Variants in SLC39A10 observed in about 807,000 individuals in gnomAD.
SLC39A10 encodes the protein zinc transporter ZIP10.
In SLC39A10, 13 loss-of-function variants were observed where a neutral mutation model predicts 65.1. That is an observed-to-expected ratio of 0.20 (90% confidence interval 0.13 to 0.32). The LOEUF (loss-of-function observed/expected upper bound fraction) is 0.32. SLC39A10 is among the 10% of genes least tolerant of loss of function. The probability of loss-of-function intolerance (pLI) is 1.00; values close to 1 mark genes in which losing one functional copy is unlikely to be tolerated. For missense variants in SLC39A10, 831 were observed against 1,018.4 expected, an observed-to-expected ratio of 0.82 and a Z score of 2.50; for synonymous variants, 321 against 342.2, an observed-to-expected ratio of 0.94 and a Z score of 0.68.
chr2:195,733,712 T>A (rs952882784), intron 9 of SLC39A10, among the ~76,000 whole-genome samples: 2 of 151,868 alleles, frequency 1.3e-5, no homozygotes, highest in African/African-American at 4.8e-5. Flanking sequence ...GTATTTTTAA[T>A]AGAGACGGAG....
chr2:195,696,656 G>A (rs866817301), intron 3 of SLC39A10, among the ~76,000 whole-genome samples: 2 of 152,012 alleles, frequency 1.3e-5, no homozygotes, highest in Admixed American at 6.6e-5. Flanking sequence ...ATAACTTTTC[G>A]CTCTCCCAAA....
chr2:195,680,556 C>T lies in SLC39A10; in HGVS notation c.514C>T (p.His172Tyr), dbSNP rs1452094205. ...TGTAAAATCTGATGATAAACATATG[C>T]ATGACCATAATCACCGCCTACGTCA... ...VSVKSDDKHM[H>Y]DHNHRLRHHH... The change falls in exon 2 of 10, where the codon CAT becomes TAT. Residue 172 changes from histidine to tyrosine, a missense_variant. Transcript: ENST00000359634. 2.5e-6 allele frequency: 4 copies of T among 1,613,980 alleles called. No homozygotes were observed. The African/African-American group carries it at 4.0e-5, about 16-fold the overall frequency.
chr2:195,691,684 A>G (rs1259364574), intron 3 of SLC39A10, among the ~76,000 whole-genome samples: 2 of 152,116 alleles, frequency 1.3e-5, no homozygotes, highest in African/African-American at 4.8e-5. Flanking sequence ...TTGTCTATTC[A>G]TGCCCTGAGC....
chr2:195,678,083 G>T (rs959401891), intron 1 of SLC39A10, among the ~76,000 whole-genome samples: 1 of 152,082 alleles, frequency 6.6e-6, no homozygotes, highest in African/African-American at 2.4e-5. Context: ...TAATGATTAC[G>T]TGAATATTCA....
rs557086499 is a variant in SLC39A10 at position 195,735,383 on chromosome 2, CA to C, written c.*350del. ...GGCTATGCAGAAATAGAGATCGAAC[CA>C]AAAAAAATCATTTAAACTTTAAAAA... On this transcript the variant is annotated 3_prime_UTR_variant, in exon 10 of 10. Coordinates refer to ENST00000359634, the MANE Select transcript of SLC39A10 (RefSeq NM_020342.3). The C allele has an allele frequency of 1.5e-3, 246 of 166,242 alleles. No homozygotes were observed. The highest frequency in any genetic ancestry group is 5.6e-3 in the African/African-American group (236 of 41,972). The allele number at this position is 166,242 out of a possible 1,614,324, so 10.3% of individuals were successfully genotyped here. A position where few individuals can be genotyped will look rare whatever the true frequency, so the allele number is the denominator to read the frequency against.
intron 2 of SLC39A10, among the ~76,000 whole-genome samples, chr2:195,614,031 G>GTC (rs1371971990): frequency 6.6e-6 from 1 of 152,166 alleles, no homozygotes; most frequent in Non-Finnish European, 1.5e-5. Context: ...GCTGTTGACA[G>GTC]TCTCTAGTCT....
At chr2:195,638,788 C>T (rs955873778) in intron 2 of SLC39A10, among the ~76,000 whole-genome samples, 2 of 152,106 alleles carry the variant, frequency 1.3e-5, no homozygotes, top group African/African-American at 4.8e-5. Flanking sequence ...CGTTTATTAA[C>T]TAAAGACTGT....
At chr2:195,726,724 C>G (rs1692253176) in intron 8 of SLC39A10, among the ~76,000 whole-genome samples, 1 of 152,090 alleles carries the variant, frequency 6.6e-6, no homozygotes, top group Non-Finnish European at 1.5e-5. Context: ...GCAGTAATTT[C>G]TTTATTGTTA....
chr2:195,728,278 G>A lies in SLC39A10; in HGVS notation c.2266G>A (p.Ala756Thr), dbSNP rs1175408385. The A allele has an allele frequency of 5.6e-6, 9 of 1,614,074 alleles. No homozygotes were observed. The highest frequency in any genetic ancestry group is 1.7e-5 in the Admixed American group (1 of 60,024). The change falls in exon 9 of 10, where the codon GCC becomes ACC. Residue 756 changes from alanine to threonine, a missense_variant. Physicochemically the swap from Ala to Thr is moderately conservative, Grantham distance 58. Around this residue, in one of 4 missense-constraint regions of SLC39A10, gnomAD observed 120 missense variants for 203.9 expected, o/e 0.59. Transcript: ENST00000359634. This position sits in a 1 kb window ranked among gnomAD's most constrained non-coding sequence, Gnocchi z 4.4. ...MLIGTAVGQY[A>T]NNITLWIFAV... is the part of the protein sequence containing the mutation. ...CATAGGCACAGCTGTTGGTCAGTAT[G>A]CCAATAACATCACACTTTGGATCTT...
At position 195,736,491 on chromosome 2, in the gene SLC39A10, A is replaced by C. The variant is rs1023836841; in HGVS notation, c.*1450A>C. 1.3e-5 allele frequency: 2 copies of C among 156,488 alleles called. No homozygotes were observed. The highest frequency in any genetic ancestry group is 2.4e-5 in the African/African-American group (1 of 41,076). 9.7% of individuals were successfully genotyped at this position (156,488 alleles called of 1,614,324 possible). A position where few individuals can be genotyped will look rare whatever the true frequency, so the allele number is the denominator to read the frequency against. On this transcript the variant is annotated 3_prime_UTR_variant, in exon 10 of 10. Transcript: ENST00000359634. ...TGTAACAATCTATCTTATTGTTCAA[A>C]TATATAAGAGCCAAACTCTTTTCCA...
intron 3 of SLC39A10, among the ~76,000 whole-genome samples, chr2:195,685,750 GGGGGATCTTA>G (rs1050401786): frequency 6.6e-6 from 1 of 152,088 alleles, no homozygotes; most frequent in Non-Finnish European, 1.5e-5. Context: ...TATAGATCTT[GGGGGATCTTA>G]ATAATTGAAT....
At chr2:195,708,120 A>G (rs1014817836) in intron 4 of SLC39A10, among the ~76,000 whole-genome samples, 7 of 152,134 alleles carry the variant, frequency 4.6e-5, no homozygotes, top group Admixed American at 2.6e-4. Flanking sequence ...AAGAGAAGAA[A>G]CTGATGAAAT....
intron 9 of SLC39A10, among the ~76,000 whole-genome samples, chr2:195,734,604 G>T (rs1172347857): frequency 6.6e-6 from 1 of 152,194 alleles, no homozygotes; most frequent in East Asian, 1.9e-4. Context: ...AAGGTCAGTG[G>T]ATAGTAACTG....
intron 1 of SLC39A10, among the ~76,000 whole-genome samples, chr2:195,675,990 G>T (rs1690071581): frequency 6.6e-6 from 1 of 150,482 alleles, no homozygotes; most frequent in Non-Finnish European, 1.5e-5. Context: ...GATTTGAATT[G>T]CCTAGATTAT....
intron 2 of SLC39A10, 78 bp from the exon 3 acceptor site, chr2:195,683,621 C>T: frequency 9.5e-7 from 1 of 1,048,342 alleles, no homozygotes; most frequent in Middle Eastern, 2.3e-4. Flanking sequence ...TAGAGTATTT[C>T]TTAGGCAGTA....
chr2:195,651,061 AC>A (rs1218185023), intron 2 of SLC39A10, among the ~76,000 whole-genome samples: 1 of 150,184 alleles, frequency 6.7e-6, no homozygotes, highest in Non-Finnish European at 1.5e-5. Flanking sequence ...ACAGAATGAG[AC>A]CCCGTCTCAA....
At chr2:195,682,774 T>C (rs1284882280) in intron 2 of SLC39A10, among the ~76,000 whole-genome samples, 1 of 152,064 alleles carries the variant, frequency 6.6e-6, no homozygotes, top group East Asian at 1.9e-4. Context: ...TTCAATACTT[T>C]TAATAGAGTA....
At chr2:195,672,158 G>C (rs1001312866) in intron 1 of SLC39A10, among the ~76,000 whole-genome samples, 1 of 151,716 alleles carries the variant, frequency 6.6e-6, no homozygotes, top group Admixed American at 6.6e-5. Context: ...ACAGGGTCTT[G>C]CTCTGTCACC....
At chr2:195,652,557 A>AG (rs1467887034), upstream of SLC39A10, among the ~76,000 whole-genome samples, 1 of 151,776 alleles carries the variant, frequency 6.6e-6, no homozygotes, top group African/African-American at 2.4e-5. Context: ...TAAAAAAAAA[A>AG]AAAAAAAGAA....
Sources: allele counts gnomAD v4.1 joint callset (sites outside exome capture counted in the v4.1 genomes callset), GRCh38; gene constraint gnomAD v4.1.1; regional missense constraint gnomAD v4.1.1; non-coding constraint Gnocchi (gnomAD v3.1); transcripts MANE v1.5; gene names NCBI Gene and HGNC (gene_info 2026-07-23, HGNC 2026-07-21).